SLCO2B1: variants seen among roughly 807,000 people sequenced by gnomAD.
The protein encoded by SLCO2B1 is OATP-RP2.
In SLCO2B1, 41 loss-of-function variants were observed where a neutral mutation model predicts 67.3. The ratio of observed to expected loss-of-function variants is 0.61; its 90% confidence interval spans 0.47 to 0.79. The LOEUF (loss-of-function observed/expected upper bound fraction) is 0.79. SLCO2B1 is among the 30% of genes least tolerant of loss of function. The pLI, the probability that SLCO2B1 is intolerant of heterozygous loss-of-function variation, is 0.00. For synonymous variants in SLCO2B1, 379 were observed against 381.4 expected (o/e 0.99, Z 0.07); for missense variants, 837 against 920.1 (o/e 0.91, Z 1.17).
Position 75,151,267 on chromosome 11 carries a change from T to TGGATCACCTGCTGC in SLCO2B1, c.-113_-112insATCACCTGCTGCGG. 1 of 881,040 alleles carries TGGATCACCTGCTGC rather than the reference T, an allele frequency of 1.1e-6. No individual in the cohort carries two copies. Among genetic ancestry groups the TGGATCACCTGCTGC allele is most frequent in the Non-Finnish European group, 1.8e-6 (1 of 548,628 alleles). 54.6% of individuals were successfully genotyped at this position (881,040 alleles called of 1,614,324 possible). On this transcript the variant is annotated 5_prime_UTR_variant, in exon 1 of 14. It removes the in-frame stop codon of an upstream open reading frame in the 5' UTR. Coordinates refer to ENST00000289575, the MANE Select transcript of SLCO2B1 (RefSeq NM_007256.5). ...TCCCACCGTTATTGCATCCCTGCTG[T>TGGATCACCTGCTGC]GGCTCACCTGCTGCTGTCTCCAGGA...
chr11:75,180,792 A>T (rs1339931959), intron 7 of SLCO2B1, among the ~76,000 whole-genome samples: 1 of 152,236 alleles, frequency 6.6e-6, no homozygotes, highest in African/African-American at 2.4e-5. Context: ...CCACCTGTGA[A>T]GTAGATATAG....
intron 1 of SLCO2B1, among the ~76,000 whole-genome samples, chr11:75,161,270 GTGTT>G (rs913772550): frequency 4.2e-4 from 64 of 152,362 alleles, no homozygotes; most frequent in African/African-American, 1.4e-3. Flanking sequence ...TAGTAGATGA[GTGTT>G]TGTCAGGGAA....
At chr11:75,158,909 G>A (rs566335253) in intron 1 of SLCO2B1, among the ~76,000 whole-genome samples, 23 of 152,286 alleles carry the variant, frequency 1.5e-4, no homozygotes, top group African/African-American at 4.1e-4. Context: ...AAAGGAAGGC[G>A]GTCCTTGCAG....
At chr11:75,153,516 G>A (rs1382737099) in intron 1 of SLCO2B1, among the ~76,000 whole-genome samples, 1 of 152,214 alleles carries the variant, frequency 6.6e-6, no homozygotes, top group African/African-American at 2.4e-5. Context: ...CAGAGTGGAG[G>A]CCAGCCCCCA....
intron 6 of SLCO2B1, among the ~76,000 whole-genome samples, chr11:75,170,275 G>C (rs1268649088): frequency 6.6e-6 from 1 of 152,212 alleles, no homozygotes; most frequent in Non-Finnish European, 1.5e-5. Flanking sequence ...CATTTACTGT[G>C]ACCTCTAAGA....
At chr11:75,185,223 T>C (rs1950134805) in intron 7 of SLCO2B1, among the ~76,000 whole-genome samples, 2 of 152,180 alleles carry the variant, frequency 1.3e-5, no homozygotes, top group Non-Finnish European at 2.9e-5. Flanking sequence ...TGCCTCATGA[T>C]GATCTCAGAA....
chr11:75,181,709 C>A (rs984729760), intron 7 of SLCO2B1, among the ~76,000 whole-genome samples: 1 of 152,196 alleles, frequency 6.6e-6, no homozygotes, highest in African/African-American at 2.4e-5. Flanking sequence ...CTACACACAG[C>A]ACATGGTGTC....
chr11:75,153,864 G>A (rs574350494), intron 1 of SLCO2B1, among the ~76,000 whole-genome samples: 5 of 151,840 alleles, frequency 3.3e-5, no homozygotes, highest in Non-Finnish European at 5.9e-5. Context: ...CCCTGCTTCA[G>A]TGGCCCAGAG....
intron 7 of SLCO2B1, among the ~76,000 whole-genome samples, chr11:75,184,096 A>G (rs1462383100): frequency 6.6e-6 from 1 of 152,208 alleles, no homozygotes; most frequent in Non-Finnish European, 1.5e-5. Context: ...TCAGCAGTTC[A>G]AGAACTCCCT....
Position 75,172,665 on chromosome 11 carries a change from C to G in SLCO2B1, c.972+96C>G, listed in dbSNP as rs1159233482. ...TACACTTCGGCTGGGCGTGGTGGCTCACATCTGTAGTTCCAGCACTTTGGG... is the reference window on the plus strand; with the variant it reads ...TACACTTCGGCTGGGCGTGGTGGCTGACATCTGTAGTTCCAGCACTTTGGG... On this transcript the variant is annotated intron_variant, in intron 7 of 13. Transcript: ENST00000289575. The G allele has an allele frequency of 3.4e-5, 40 of 1,161,596 alleles. No homozygotes were observed. In the South Asian group the frequency reaches 4.6e-4, roughly 13 times the overall value. 72.0% of individuals were successfully genotyped at this position (1,161,596 alleles called of 1,614,324 possible).
intron 11 of SLCO2B1, 96 bp downstream of exon 11, chr11:75,200,483 G>A: frequency 3.8e-6 from 5 of 1,307,520 alleles, no homozygotes; most frequent in Non-Finnish European, 5.2e-6. Context: ...AAGAAAGGAG[G>A]CCACTTGGGT....
chr11:75,162,091 G>C (rs1264645949), intron 1 of SLCO2B1, among the ~76,000 whole-genome samples: 2 of 152,140 alleles, frequency 1.3e-5, no homozygotes, highest in African/African-American at 4.8e-5. Context: ...GGTTAGCTCT[G>C]TGATGACATG....
Position 75,203,325 on chromosome 11 carries a change from T to A in SLCO2B1, c.1847T>A (p.Val616Glu). The change falls in exon 13 of 14, where the codon GTG becomes GAG. Residue 616 changes from valine (V) to glutamate (E), a missense_variant. Transcript: ENST00000289575. Reference sequence around the variant, plus strand: ...CCCTCAGCCTGGATGCCCAGCCCCGTGATCCACGGCAGCGCCATCGACACC... The same window carrying A: ...CCCTCAGCCTGGATGCCCAGCCCCGAGATCCACGGCAGCGCCATCGACACC... ...LRILAWMPSP[V>E]IHGSAIDTTC... The A allele has an allele frequency of 6.2e-7, 1 of 1,613,936 alleles. No individual in the cohort carries two copies. Among genetic ancestry groups the A allele is most frequent in the Non-Finnish European group, 8.5e-7 (1 of 1,179,990 alleles).
chr11:75,192,639 T>C (rs1425282209), intron 8 of SLCO2B1, among the ~76,000 whole-genome samples: 1 of 151,894 alleles, frequency 6.6e-6, no homozygotes, highest in Admixed American at 6.6e-5. Flanking sequence ...TCAAATAGGA[T>C]GGCATGAACC....
chr11:75,203,358 T>C lies in SLCO2B1; in HGVS notation c.1880T>C (p.Val627Ala). Residue 627 changes from valine (V) to alanine (A), a missense_variant, in exon 13 of 14, where the codon GTG (valine) becomes GCG (alanine). Val to Ala is a moderately conservative substitution (Grantham distance 64). Transcript: ENST00000289575. ...IHGSAIDTTC[V>A]HWALSCGRRA... ...GGCAGCGCCATCGACACCACCTGTGTGCACTGGGCCCTGAGCTGTGGGCGT... is the reference window on the plus strand; with the variant it reads ...GGCAGCGCCATCGACACCACCTGTGCGCACTGGGCCCTGAGCTGTGGGCGT... 6.2e-7 allele frequency: 1 copy of C among 1,614,164 alleles called. No homozygotes were observed. The highest frequency in any genetic ancestry group is 8.5e-7 in the Non-Finnish European group (1 of 1,180,020).
intron 1 of SLCO2B1, chr11:75,151,675 G>A (rs557538760): frequency 7.7e-5 from 40 of 519,792 alleles, no homozygotes; most frequent in South Asian, 4.5e-4. Context: ...AGAAAGACAG[G>A]CCCCTGACCC....
chr11:75,175,013 A>T (rs911362873), intron 7 of SLCO2B1, among the ~76,000 whole-genome samples: 1 of 152,160 alleles, frequency 6.6e-6, no homozygotes, highest in Non-Finnish European at 1.5e-5. Context: ...CGGAGCTGCT[A>T]TGATTCAGAT....
chr11:75,190,613 T>A (rs1213352480), intron 8 of SLCO2B1, among the ~76,000 whole-genome samples: 6 of 152,060 alleles, frequency 3.9e-5, no homozygotes, highest in Non-Finnish European at 7.4e-5. Flanking sequence ...CTGACCTCTG[T>A]GATGGAGAAG....
chr11:75,170,420 G>A (rs1049253768), intron 6 of SLCO2B1, among the ~76,000 whole-genome samples: 2 of 152,152 alleles, frequency 1.3e-5, no homozygotes, highest in African/African-American at 4.8e-5. Flanking sequence ...AGGTGGCCAG[G>A]AGGGAGGGGT....
Sources: allele counts gnomAD v4.1 joint callset (sites outside exome capture counted in the v4.1 genomes callset), GRCh38; gene constraint gnomAD v4.1.1; transcripts MANE v1.5; gene names NCBI Gene and HGNC (gene_info 2026-07-23, HGNC 2026-07-21).